Variants in VWC2 observed in about 807,000 individuals in gnomAD.
VWC2 encodes von Willebrand factor C domain containing 2, also known as brorin.
Under a neutral mutation model 29.8 loss-of-function variants are expected in VWC2, and 14 were observed. That is an observed-to-expected ratio of 0.47 (90% CI 0.31 to 0.74). The LOEUF is 0.74. VWC2 is among the 30% of genes least tolerant of loss of function. The probability of loss-of-function intolerance (pLI) is 0.05; values close to 1 mark genes in which losing one functional copy is unlikely to be tolerated. For synonymous variants in VWC2, 213 were observed against 199.0 expected, an observed-to-expected ratio of 1.07 and a Z score of -0.59; for missense variants, 457 against 459.8, an observed-to-expected ratio of 0.99 and a Z score of 0.05.
chr7:49,880,838 T>C (rs1333045535), intron 3 of VWC2, among the ~76,000 whole-genome samples: 3 of 152,126 alleles, frequency 2.0e-5, no homozygotes, highest in Admixed American at 6.6e-5. Flanking sequence ...CGGGAAGCTC[T>C]TCATTTTTGC....
chr7:49,888,696 C>A (rs1583760151), intron 3 of VWC2, among the ~76,000 whole-genome samples: 1 of 152,004 alleles, frequency 6.6e-6, no homozygotes, highest in Non-Finnish European at 1.5e-5. Context: ...GGATCACCTG[C>A]GGTCAGGAGT....
At chr7:49,884,260 C>G (rs1380781837) in intron 3 of VWC2, among the ~76,000 whole-genome samples, 1 of 152,220 alleles carries the variant, frequency 6.6e-6, no homozygotes, top group Non-Finnish European at 1.5e-5. Context: ...CAAATGGGTG[C>G]CAGTGCTATG....
intron 2 of VWC2, among the ~76,000 whole-genome samples, chr7:49,801,213 A>G (rs946617942): frequency 2.0e-5 from 3 of 152,228 alleles, no homozygotes; most frequent in African/African-American, 7.2e-5. Context: ...CAAAGGGAGC[A>G]TCTGTGAGAG....
intron 3 of VWC2, among the ~76,000 whole-genome samples, chr7:49,907,339 C>T (rs529637083): frequency 2.0e-5 from 3 of 152,172 alleles, no homozygotes; most frequent in South Asian, 4.1e-4. Flanking sequence ...ATAATACAAC[C>T]ACACAGAGAA....
At chr7:49,780,612 C>T (rs1788152693) in intron 2 of VWC2, among the ~76,000 whole-genome samples, 1 of 152,124 alleles carries the variant, frequency 6.6e-6, no homozygotes, top group African/African-American at 2.4e-5. Flanking sequence ...CATTTCTTTG[C>T]TTTTGGTAGG....
intron 3 of VWC2, among the ~76,000 whole-genome samples, chr7:49,864,603 G>A (rs691413): frequency 0.8 from 121,701 of 152,138 alleles, 48,860 homozygotes; most frequent in East Asian, 0.92. Flanking sequence ...TCAGCCTTAC[G>A]GTGTTTTCGA....
At chr7:49,904,001 C>T (rs1445531591) in intron 3 of VWC2, among the ~76,000 whole-genome samples, 1 of 152,106 alleles carries the variant, frequency 6.6e-6, no homozygotes, top group African/African-American at 2.4e-5. Context: ...GAAGGCTGGT[C>T]ACCCCACCCT....
intron 3 of VWC2, among the ~76,000 whole-genome samples, chr7:49,819,450 A>G (rs1459692592): frequency 6.6e-6 from 1 of 152,246 alleles, no homozygotes; most frequent in African/African-American, 2.4e-5. Context: ...CATGAGGGAC[A>G]TGCAGCCAAA....
At chr7:49,863,488 A>G (rs892281415) in intron 3 of VWC2, among the ~76,000 whole-genome samples, 3 of 151,976 alleles carry the variant, frequency 2.0e-5, no homozygotes, top group Non-Finnish European at 4.4e-5. Flanking sequence ...GCTGGAGTGC[A>G]TGGCATGATC....
rs190838302 is a variant in VWC2 at position 49,844,402 on chromosome 7, T to C, written c.826+41562T>C. Among the ~76,000 whole-genome samples, 153 of 152,382 alleles carry C rather than the reference T, an allele frequency of 1.0e-3. 1 individual carries two copies. Among genetic ancestry groups the C allele is most frequent in the African/African-American group, 3.7e-3 (152 of 41,596 alleles). On this transcript the variant is annotated intron_variant, in intron 3 of 3. Transcript: ENST00000340652. ...CCAGGTCTGTCAGAACGATCGGCTTTGCCCTGGCAGAGTTAGATAACTATA... is the reference window on the plus strand; with the variant it reads ...CCAGGTCTGTCAGAACGATCGGCTTCGCCCTGGCAGAGTTAGATAACTATA...
In VWC2 at chr7:49,919,983, G is replaced by A. The variant is rs1477444732; in HGVS notation, c.*7798G>A. 1 of 152,056 alleles carries A rather than the reference G, an allele frequency of 6.6e-6. No homozygotes were observed. The highest frequency in any genetic ancestry group is 1.5e-5 in the Non-Finnish European group (1 of 67,994). 9.4% of individuals were successfully genotyped at this position (152,056 alleles called of 1,614,324 possible). On this transcript the variant is annotated 3_prime_UTR_variant, in exon 4 of 4. Coordinates refer to ENST00000340652, the MANE Select transcript of VWC2 (RefSeq NM_198570.5). ...TAACACTGAAGTGAGATTCAAAATT[G>A]TGCCTTCTATTGAAGCCAAGAAAGT...
rs117206158 is a variant in VWC2 at position 49,909,129 on chromosome 7, A to C, written c.827-2905A>C. Among the ~76,000 whole-genome samples the C allele has an allele frequency of 2.7e-3, 414 of 152,342 alleles. 1 individual carries two copies. Among genetic ancestry groups the C allele is most frequent in the Non-Finnish European group, 4.4e-3 (296 of 68,030 alleles). On this transcript the variant is annotated intron_variant, in intron 3 of 3. Coordinates refer to ENST00000340652, the MANE Select transcript of VWC2 (RefSeq NM_198570.5). Reference sequence around the variant, plus strand: ...CACAATAATTAATTTAATCAGTCCAAGATCACATAACTATTAAGTACCAGA... The same window carrying C: ...CACAATAATTAATTTAATCAGTCCACGATCACATAACTATTAAGTACCAGA...
chr7:49,862,279 G>T (rs691971), intron 3 of VWC2, among the ~76,000 whole-genome samples: 7,512 of 152,048 alleles, frequency 0.049, 609 homozygotes, highest in African/African-American at 0.17. Flanking sequence ...ATTATTCATT[G>T]CCACTATATA....
intron 2 of VWC2, among the ~76,000 whole-genome samples, chr7:49,787,945 C>G (rs902666301): frequency 2.6e-5 from 4 of 152,162 alleles, no homozygotes; most frequent in Non-Finnish European, 5.9e-5. Flanking sequence ...GGGACCATTG[C>G]GCCGTATGTC....
At chr7:49,844,184 A>G (rs1789864593) in intron 3 of VWC2, among the ~76,000 whole-genome samples, 1 of 152,216 alleles carries the variant, frequency 6.6e-6, no homozygotes, top group African/African-American at 2.4e-5. Context: ...GGAATCGCAC[A>G]CTCAGAGTGG....
chr7:49,885,919 G>T (rs1389956572), intron 3 of VWC2, among the ~76,000 whole-genome samples: 1 of 152,266 alleles, frequency 6.6e-6, no homozygotes, highest in Non-Finnish European at 1.5e-5. Context: ...AGACCTCCGT[G>T]ATTCTGGGGC....
chr7:49,824,297 A>G (rs924431453), intron 3 of VWC2, among the ~76,000 whole-genome samples: 5 of 152,118 alleles, frequency 3.3e-5, no homozygotes, highest in Non-Finnish European at 7.4e-5. Context: ...GCCCATGTTG[A>G]TATCTAGTTG....
intron 3 of VWC2, among the ~76,000 whole-genome samples, chr7:49,821,006 C>T (rs188114011): frequency 3.3e-5 from 5 of 152,132 alleles, no homozygotes; most frequent in South Asian, 2.1e-4. Flanking sequence ...GCTGCCCAGC[C>T]CTCCCCGCCC....
At chr7:49,906,222 T>C (rs1304534098) in intron 3 of VWC2, among the ~76,000 whole-genome samples, 4 of 152,172 alleles carry the variant, frequency 2.6e-5, no homozygotes, top group East Asian at 3.8e-4. Flanking sequence ...TCACTTGGGG[T>C]GTGGATCAGG....
Sources: allele counts gnomAD v4.1 joint callset (sites outside exome capture counted in the v4.1 genomes callset), GRCh38; gene constraint gnomAD v4.1.1; transcripts MANE v1.5; gene names NCBI Gene and HGNC (gene_info 2026-07-23, HGNC 2026-07-21).